The following RAD51B variants were observed in gnomAD, a reference collection of about 807,000 sequenced individuals.
RAD51B encodes the protein DNA repair protein RAD51 homolog 2.
In RAD51B, 38 loss-of-function variants were observed where a neutral mutation model predicts 42.2. The ratio of observed to expected loss-of-function variants is 0.90; its 90% CI spans 0.70 to 1.18. RAD51B has a LOEUF of 1.18. Among genes scored for constraint, RAD51B ranks in the 50% most tolerant of loss-of-function variants. RAD51B has a pLI of 0.00. For synonymous variants in RAD51B, 154 were observed against 145.2 expected (o/e 1.06, Z -0.43); for missense variants, 373 against 400.7 (o/e 0.93, Z 0.59).
chr14:68,291,194 T>A (rs925640463), intron 7 of RAD51B, among the ~76,000 whole-genome samples: 8 of 152,006 alleles, frequency 5.3e-5, no homozygotes, highest in Non-Finnish European at 1.2e-4. Context: ...TTTAATTTAT[T>A]TTTATTTATT....
intron 10 of RAD51B, among the ~76,000 whole-genome samples, chr14:68,494,991 C>T (rs766576804): frequency 6.6e-6 from 1 of 152,302 alleles, no homozygotes; most frequent in Non-Finnish European, 1.5e-5. Context: ...ATCTGCCCTA[C>T]AAGGCATAGT....
intron 7 of RAD51B, among the ~76,000 whole-genome samples, chr14:68,095,294 G>T (rs1021375600): frequency 2.0e-5 from 3 of 151,240 alleles, no homozygotes; most frequent in Non-Finnish European, 4.4e-5. Flanking sequence ...CTGAAAGAGG[G>T]TTAAAAAAAA....
intron 7 of RAD51B, among the ~76,000 whole-genome samples, chr14:68,273,717 ACT>A (rs935756775): frequency 1.3e-4 from 20 of 151,988 alleles, no homozygotes; most frequent in Middle Eastern, 3.4e-3. Flanking sequence ...ATGTGCTCTC[ACT>A]CTGTCATACA....
At chr14:68,275,543 T>C (rs1188837851) in intron 7 of RAD51B, among the ~76,000 whole-genome samples, 2 of 152,166 alleles carry the variant, frequency 1.3e-5, no homozygotes. Flanking sequence ...GGGTCTCTCC[T>C]GCCTGCGAGG....
chr14:67,948,251 G>A (rs2045464150), intron 7 of RAD51B, among the ~76,000 whole-genome samples: 1 of 152,176 alleles, frequency 6.6e-6, no homozygotes, highest in Non-Finnish European at 1.5e-5. Flanking sequence ...GGCTTGCTTG[G>A]TTGTAGGATC....
At chr14:67,929,286 G>A (rs1467375305) in intron 7 of RAD51B, among the ~76,000 whole-genome samples, 1 of 151,984 alleles carries the variant, frequency 6.6e-6, no homozygotes, top group Non-Finnish European at 1.5e-5. Context: ...GGTATGTTGT[G>A]TTTCCATTTT....
chr14:68,484,418 C>T (rs1201371223), intron 10 of RAD51B, among the ~76,000 whole-genome samples: 3 of 141,406 alleles, frequency 2.1e-5, no homozygotes, highest in Non-Finnish European at 4.5e-5. Flanking sequence ...AGTACAGTGG[C>T]GCGATCTCAG....
chr14:68,009,188 A>C (rs1480046958), intron 7 of RAD51B, among the ~76,000 whole-genome samples: 1 of 151,942 alleles, frequency 6.6e-6, no homozygotes, highest in Non-Finnish European at 1.5e-5. Flanking sequence ...GTATGCTATC[A>C]TACTGATTAG....
chr14:68,677,838 C>G (rs1181430417), intron 11 of RAD51B, among the ~76,000 whole-genome samples: 1 of 152,100 alleles, frequency 6.6e-6, no homozygotes, highest in Non-Finnish European at 1.5e-5. Context: ...TTTGCAGGGC[C>G]CCATTGCAGG....
At chr14:67,867,803 A>C (rs2139998056) in intron 5 of RAD51B, among the ~76,000 whole-genome samples, 1 of 152,348 alleles carries the variant, frequency 6.6e-6, no homozygotes, top group South Asian at 2.1e-4. Context: ...TATGAGACGC[A>C]AAAAGGACTA....
chr14:68,414,291 T>C (rs953710900), intron 9 of RAD51B, among the ~76,000 whole-genome samples: 1 of 152,248 alleles, frequency 6.6e-6, no homozygotes, highest in Non-Finnish European at 1.5e-5. Context: ...GCAAAAACTC[T>C]CTTAAGAAGC....
chr14:68,567,290 ACT>A (rs1195669318), intron 10 of RAD51B, among the ~76,000 whole-genome samples: 1 of 150,886 alleles, frequency 6.6e-6, no homozygotes. Context: ...ACAGAGTAAG[ACT>A]CTGTCTCAGA....
intron 7 of RAD51B, among the ~76,000 whole-genome samples, chr14:68,256,285 C>T (rs962545797): frequency 1.3e-5 from 2 of 152,140 alleles, no homozygotes; most frequent in African/African-American, 4.8e-5. Context: ...ATGCACCTGA[C>T]CATTTGATGT....
chr14:68,187,302 A>G (rs2079177917), intron 7 of RAD51B, among the ~76,000 whole-genome samples: 1 of 152,172 alleles, frequency 6.6e-6, no homozygotes, highest in African/African-American at 2.4e-5. Context: ...CGCAAACCTC[A>G]GCATCACACT....
At chr14:68,277,050 T>G (rs1381279029) in intron 7 of RAD51B, among the ~76,000 whole-genome samples, 2 of 152,150 alleles carry the variant, frequency 1.3e-5, no homozygotes, top group Admixed American at 1.3e-4. Flanking sequence ...AAATATAAAC[T>G]TTACTCTTTA....
intron 10 of RAD51B, among the ~76,000 whole-genome samples, chr14:68,650,543 C>G (rs1433600696): frequency 1.3e-5 from 2 of 152,324 alleles, no homozygotes; most frequent in East Asian, 3.9e-4. Context: ...AACAAAGCTA[C>G]TCAGACACCT....
In RAD51B at chr14:68,137,232, C is replaced by T. The variant is rs116634785; in HGVS notation, c.757-154652C>T. Among the ~76,000 whole-genome samples the T allele has an allele frequency of 6.8e-3, 1,040 of 152,240 alleles. 10 individuals carry two copies. The highest frequency in any genetic ancestry group is 0.023 in the African/African-American group (974 of 41,526). ...CGGAGGTTGCAGTGAGCCGAGACCA[C>T]GCCACTGCACTCCTGATAGAAGGAA... On this transcript the variant is annotated intron_variant, in intron 7 of 10. Transcript: ENST00000471583.
intron 7 of RAD51B, among the ~76,000 whole-genome samples, chr14:67,935,637 G>C (rs2044913173): frequency 6.6e-6 from 1 of 152,184 alleles, no homozygotes; most frequent in Non-Finnish European, 1.5e-5. Flanking sequence ...AAAGTGTTGG[G>C]ATTAGAAGTG....
chr14:67,917,743 A>G lies in RAD51B; in HGVS notation c.756+30539A>G, dbSNP rs76960938. Reference sequence around the variant, plus strand: ...TGTTTTTGGCTCAGGAACTGAATGGATGGAGCTGTTATCAACTGATAAGAG... The same window carrying G: ...TGTTTTTGGCTCAGGAACTGAATGGGTGGAGCTGTTATCAACTGATAAGAG... On this transcript the variant is annotated intron_variant, in intron 7 of 10. Transcript: ENST00000471583. Among the ~76,000 whole-genome samples the G allele has an allele frequency of 8.3e-3, 1,258 of 152,296 alleles. 19 individuals carry two copies. The highest frequency in any genetic ancestry group is 0.029 in the African/African-American group (1,209 of 41,550).
Sources: allele counts gnomAD v4.1 joint callset (sites outside exome capture counted in the v4.1 genomes callset), GRCh38; gene constraint gnomAD v4.1.1; transcripts MANE v1.5; gene names NCBI Gene and HGNC (gene_info 2026-07-23, HGNC 2026-07-21).